LDLRAD4: variants seen among roughly 807,000 people sequenced by gnomAD.
The protein encoded by LDLRAD4 is low density lipoprotein receptor class A domain containing 4, also known as low-density lipoprotein receptor class A domain-containing protein 4.
A neutral mutation model predicts 17.0 loss-of-function variants in LDLRAD4; 5 were observed. The observed-to-expected ratio is 0.29, with a 90% CI of 0.15 to 0.62. The LOEUF (loss-of-function observed/expected upper bound fraction) is 0.62, where lower values mean the gene tolerates loss of function less well. LDLRAD4 is among the 20% of genes least tolerant of loss of function. The pLI is 0.84. For missense variants in LDLRAD4, 340 were observed against 424.7 expected, an observed-to-expected ratio of 0.80 and a Z score of 1.75; for synonymous variants, 168 against 171.8, an observed-to-expected ratio of 0.98 and a Z score of 0.17.
intron 1 of LDLRAD4, among the ~76,000 whole-genome samples, chr18:13,366,790 C>T (rs1289385148): frequency 1.3e-5 from 2 of 152,174 alleles, no homozygotes; most frequent in Non-Finnish European, 2.9e-5. Context: ...CTCTCCAGCA[C>T]CGCAGTGATG....
intron 1 of LDLRAD4, among the ~76,000 whole-genome samples, chr18:13,265,177 C>G (rs779779293): frequency 2.6e-5 from 4 of 152,212 alleles, no homozygotes; most frequent in Non-Finnish European, 4.4e-5. Flanking sequence ...GCAACAGCCT[C>G]TGAACAGACT....
At chr18:13,478,564 G>C (rs537839074) in intron 3 of LDLRAD4, among the ~76,000 whole-genome samples, 170 of 152,192 alleles carry the variant, frequency 1.1e-3, no homozygotes, top group Middle Eastern at 6.8e-3. Flanking sequence ...TAAATACTTA[G>C]GTAAATCTAA....
chr18:13,307,666 C>T (rs1243902238), intron 1 of LDLRAD4, among the ~76,000 whole-genome samples: 1 of 152,158 alleles, frequency 6.6e-6, no homozygotes, highest in Non-Finnish European at 1.5e-5. Context: ...TGATCCTCCC[C>T]CTTCAGCCTC....
At chr18:13,383,813 G>A (rs2085575868) in intron 1 of LDLRAD4, among the ~76,000 whole-genome samples, 1 of 152,186 alleles carries the variant, frequency 6.6e-6, no homozygotes, top group South Asian at 2.1e-4. Flanking sequence ...CTTCTGGGTG[G>A]TCACAGTCTT....
chr18:13,261,802 G>A (rs2043830714), intron 1 of LDLRAD4, among the ~76,000 whole-genome samples: 1 of 152,198 alleles, frequency 6.6e-6, no homozygotes, highest in South Asian at 2.1e-4. Context: ...TGCAGTACCT[G>A]TGCTGTGTCT....
chr18:13,543,352 C>T (rs923975968), intron 3 of LDLRAD4: 2 of 152,200 alleles, frequency 1.3e-5, no homozygotes, highest in East Asian at 3.9e-4. Context: ...ACATGCGAGC[C>T]TCCCGGGTAC....
intron 1 of LDLRAD4, among the ~76,000 whole-genome samples, chr18:13,336,720 C>CT (rs1482029458): frequency 1.3e-5 from 2 of 152,008 alleles, no homozygotes; most frequent in Non-Finnish European, 2.9e-5. Flanking sequence ...TCTACCTTTT[C>CT]TTTTTTTCTC....
At chr18:13,475,963 C>G (rs1353828178) in intron 3 of LDLRAD4, among the ~76,000 whole-genome samples, 1 of 152,174 alleles carries the variant, frequency 6.6e-6, no homozygotes, top group Admixed American at 6.5e-5. Context: ...CCCAGGAGAT[C>G]GGCCTCATTG....
At chr18:13,359,626 T>C (rs2083543839) in intron 1 of LDLRAD4, among the ~76,000 whole-genome samples, 1 of 152,222 alleles carries the variant, frequency 6.6e-6, no homozygotes, top group Middle Eastern at 3.2e-3. Flanking sequence ...TAAGACATGA[T>C]TGTGAGCTCA....
At chr18:13,306,394 A>G (rs2046916683) in intron 1 of LDLRAD4, among the ~76,000 whole-genome samples, 1 of 152,362 alleles carries the variant, frequency 6.6e-6, no homozygotes, top group East Asian at 1.9e-4. Flanking sequence ...CGTTGCCAGT[A>G]AGAGACTGCC....
intron 3 of LDLRAD4, chr18:13,614,255 A>T (rs1450038250): frequency 1.3e-5 from 2 of 152,278 alleles, no homozygotes; most frequent in Non-Finnish European, 2.9e-5. Context: ...CACTCTGTAG[A>T]GGAAGAAGAC....
chr18:13,474,161 A>G (rs578001458), intron 3 of LDLRAD4, among the ~76,000 whole-genome samples: 1 of 152,308 alleles, frequency 6.6e-6, no homozygotes, highest in South Asian at 2.1e-4. Context: ...AGGCTTCCCC[A>G]GAGGCAGAAG....
At chr18:13,561,100 C>T (rs1464492190) in intron 3 of LDLRAD4, among the ~76,000 whole-genome samples, 1 of 152,054 alleles carries the variant, frequency 6.6e-6, no homozygotes, top group African/African-American at 2.4e-5. Context: ...TAAAGCTCCC[C>T]AGTTACCAGA....
chr18:13,595,648 C>T (rs1284444), intron 3 of LDLRAD4, among the ~76,000 whole-genome samples: 71,451 of 151,992 alleles, frequency 0.47, 17,190 homozygotes, highest in African/African-American at 0.59. Flanking sequence ...CACACCCAGC[C>T]GAATCCATGT....
intron 1 of LDLRAD4, among the ~76,000 whole-genome samples, chr18:13,307,212 T>A (rs1233921889): frequency 6.6e-6 from 1 of 152,126 alleles, no homozygotes; most frequent in Non-Finnish European, 1.5e-5. Flanking sequence ...ACACCAAGTG[T>A]GCGTGCCTTT....
intron 3 of LDLRAD4, chr18:13,542,599 G>A (rs887389842): frequency 6.6e-6 from 1 of 152,316 alleles, no homozygotes; most frequent in Non-Finnish European, 1.5e-5. Flanking sequence ...GGCTCCTCCA[G>A]GGAGGTGTGG....
At chr18:13,566,054 C>G (rs1941879603) in intron 3 of LDLRAD4, among the ~76,000 whole-genome samples, 1 of 152,232 alleles carries the variant, frequency 6.6e-6, no homozygotes, top group Non-Finnish European at 1.5e-5. Context: ...AGTGGGGACA[C>G]AGAAATGCTC....
At chr18:13,650,085 C>T (rs1174923754) in exon 6 of LDLRAD4, 4 of 398,690 alleles carry the variant, frequency 1.0e-5, no homozygotes, top group South Asian at 1.3e-4. Context: ...CTGCCAGCAC[C>T]GCTACAGATC....
chr18:13,351,389 A>G (rs2083027005), intron 1 of LDLRAD4, among the ~76,000 whole-genome samples: 1 of 152,036 alleles, frequency 6.6e-6, no homozygotes, highest in South Asian at 2.1e-4. Context: ...TCTTTGTAGC[A>G]ATTGTGAATG....
Sources: gnomAD v4.1 joint callset for allele counts (sites outside exome capture counted in the v4.1 genomes callset) on GRCh38, gnomAD v4.1.1 for gene constraint, MANE v1.5 for transcripts, NCBI Gene and HGNC (gene_info 2026-07-23, HGNC 2026-07-21) for gene names.